Variants in WIZ observed in about 807,000 individuals in gnomAD.
WIZ encodes protein Wiz.
A neutral mutation model predicts 140.2 loss-of-function variants in WIZ; 25 were observed. The observed-to-expected ratio is 0.18, with a 90% CI of 0.13 to 0.25. The LOEUF (loss-of-function observed/expected upper bound fraction) is 0.25. WIZ is among the 10% of genes least tolerant of loss of function. WIZ has a pLI of 1.00. For synonymous variants in WIZ, 1,125 were observed against 1,154.3 expected, an observed-to-expected ratio of 0.97 and a Z score of 0.51; for missense variants, 2,231 against 2,632.6, an observed-to-expected ratio of 0.85 and a Z score of 3.34.
intron 10 of WIZ, 63 bp from the exon 11 acceptor site, chr19:15,425,095 C>T: frequency 1.3e-6 from 2 of 1,505,280 alleles, no homozygotes; most frequent in Non-Finnish European, 1.8e-6. Context: ...CCCAGATGGC[C>T]CTGCCCAGGC....
In WIZ at chr19:15,436,846, T is replaced by A; in HGVS notation, c.2700A>T (p.Pro900=). 1 of 1,609,704 alleles carries A rather than the reference T, an allele frequency of 6.2e-7. No homozygotes were observed. Among genetic ancestry groups the A allele is most frequent in the East Asian group, 2.2e-5 (1 of 44,640 alleles). The change falls in exon 5 of 13, where the codon CCA becomes CCT. Residue 900 remains proline, a synonymous_variant. Transcript: ENST00000673675. ...RPRLPLTVPF[P]PTWAEDPGPA... ...GCCCAGGGTCCTCAGCCCAGGTGGG[T>A]GGAAAGGGCACCGTGAGAGGTAAGC...
In WIZ at chr19:15,439,509, A is replaced by G; in HGVS notation, c.1485T>C (p.Asp495=). 1 of 1,534,406 alleles carries G rather than the reference A, an allele frequency of 6.5e-7. No homozygotes were observed. Among genetic ancestry groups the G allele is most frequent in the Non-Finnish European group, 8.7e-7 (1 of 1,145,942 alleles). The change falls in exon 4 of 13, where the codon GAT becomes GAC. Residue 495 remains aspartate, a synonymous_variant. Transcript: ENST00000673675. The surrounding 1 kb of genome is among the most constrained non-coding windows in gnomAD (Gnocchi z 7.0). ...LVHAHPHWEE[D]GEAYEEDPAS... ...CAGGGTCTTCCTCATAAGCCTCGCC[A>G]TCCTCCTCCCAGTGGGGATGGGCAT...
intron 6 of WIZ, among the ~76,000 whole-genome samples, chr19:15,430,328 G>T (rs887815126): frequency 6.6e-6 from 1 of 152,206 alleles, no homozygotes; most frequent in Non-Finnish European, 1.5e-5. Flanking sequence ...CACACAGCAG[G>T]AGATAGAGCC....
chr19:15,429,390 C>T (rs753839586), intron 7 of WIZ, among the ~76,000 whole-genome samples, 196 bp downstream of exon 7: 4 of 152,170 alleles, frequency 2.6e-5, no homozygotes, highest in Non-Finnish European at 4.4e-5. Flanking sequence ...GTGGGAGGCA[C>T]GATCCACATC....
Position 15,421,186 on chromosome 19 carries a change from C to T in WIZ, c.*1890G>A, listed in dbSNP as rs1968355476. The T allele has an allele frequency of 6.6e-6, 1 of 152,272 alleles. No homozygotes were observed. The highest frequency in any genetic ancestry group is 6.5e-5 in the Admixed American group (1 of 15,290). The allele number at this position is 152,272 out of a possible 1,614,324, so 9.4% of individuals were successfully genotyped here. On this transcript the variant is annotated 3_prime_UTR_variant, in exon 13 of 13. Coordinates refer to ENST00000673675, the MANE Select transcript of WIZ (RefSeq NM_001371589.1). ...AGAGGAAGAAACACCTTTGAGTCAG[C>T]TCACAAGATGCTCTCCCTGCTTCCT...
In WIZ at chr19:15,425,692, C is replaced by T. The variant is rs200142430; in HGVS notation, c.4443G>A (p.Ser1481=). The T allele has an allele frequency of 4.6e-5, 74 of 1,612,968 alleles. No individual in the cohort carries two copies. In the African/African-American group the frequency reaches 6.7e-4, roughly 15 times the overall value. The change falls in exon 10 of 13, where the codon TCG becomes TCA. Residue 1481 remains serine, a synonymous_variant. Coordinates refer to ENST00000673675, the MANE Select transcript of WIZ (RefSeq NM_001371589.1). ...GEFFENRKGL[S]SHARSHLRQM... ...GCCGCAGGTGTGAGCGCGCGTGACT[C>T]GACAGGCCCTTGCGGTTCTCGAAGA...
chr19:15,420,760 G>C lies in WIZ; in HGVS notation c.*2316C>G, dbSNP rs1276800801. On this transcript the variant is annotated 3_prime_UTR_variant, in exon 13 of 13. Coordinates refer to ENST00000673675, the MANE Select transcript of WIZ (RefSeq NM_001371589.1). ...ATTGGTGGGGAGGAACTTGCCATAT[G>C]ACTTTATAAGCTCTTGTATCATTTG... 2 of 152,220 alleles carry C rather than the reference G, an allele frequency of 1.3e-5. No homozygotes were observed. Among genetic ancestry groups the C allele is most frequent in the African/African-American group, 2.4e-5 (1 of 41,448 alleles). 9.4% of individuals were successfully genotyped at this position (152,220 alleles called of 1,614,324 possible).
chr19:15,440,779 G>T lies in WIZ; in HGVS notation c.279-64C>A. ...CTGCAGTTTTCCTTCCTAGGGTGGTGATGGGGGTCCTCCCAGGCCGTTTGA... is the reference window on the plus strand; with the variant it reads ...CTGCAGTTTTCCTTCCTAGGGTGGTTATGGGGGTCCTCCCAGGCCGTTTGA... On this transcript the variant is annotated intron_variant, in intron 3 of 12. Transcript: ENST00000673675. This position sits in a 1 kb window ranked among gnomAD's most constrained non-coding sequence, Gnocchi z 6.2. 7.1e-7 allele frequency: 1 copy of T among 1,418,312 alleles called. No individual in the cohort carries two copies. Among genetic ancestry groups the T allele is most frequent in the Non-Finnish European group, 9.2e-7 (1 of 1,083,420 alleles). The allele number at this position is 1,418,312 out of a possible 1,614,324, so 87.9% of individuals were successfully genotyped here. A position where few individuals can be genotyped will look rare whatever the true frequency, so the allele number is the denominator to read the frequency against.
At chr19:15,432,472 G>C in intron 5 of WIZ, 1 of 982,202 alleles carries the variant, frequency 1.0e-6, no homozygotes, top group Non-Finnish European at 1.2e-6. Flanking sequence ...CCCCGGCTCC[G>C]GCTCGGCCTT....
In WIZ at chr19:15,436,958, G is replaced by T. The variant is rs575637246; in HGVS notation, c.2588C>A (p.Ala863Asp). Residue 863 changes from alanine (A) to aspartate (D), a missense_variant, in exon 5 of 13, where the codon GCC becomes GAC. Physicochemically the swap from Ala to Asp is moderately radical, Grantham distance 126. Around this residue, in one of 15 missense-constraint regions of WIZ, gnomAD observed 137 missense variants for 135.8 expected, o/e 1.01. Transcript: ENST00000673675. ...GGGGGGCTGCTCAGCAGCAGAGGTG[G>T]CCAGCAGCTCCTGCAGGATGTTGAT... ...SPINILQELL[A>D]TSAAEQPPSP... 1.3e-5 allele frequency: 21 copies of T among 1,613,732 alleles called. No individual in the cohort carries two copies. Among genetic ancestry groups the T allele is most frequent in the Non-Finnish European group, 1.8e-5 (21 of 1,179,798 alleles).
Position 15,428,245 on chromosome 19 carries a change from G to C in WIZ, c.3679C>G (p.Pro1227Ala). The C allele has an allele frequency of 6.5e-7, 1 of 1,530,830 alleles. No individual in the cohort carries two copies. Among genetic ancestry groups the C allele is most frequent in the Non-Finnish European group, 8.7e-7 (1 of 1,145,040 alleles). 94.8% of individuals were successfully genotyped at this position (1,530,830 alleles called of 1,614,324 possible). Residue 1227 changes from proline to alanine, a missense_variant, in exon 8 of 13, where the codon CCC (proline) becomes GCC (alanine). This residue lies in a region of WIZ where 141 missense variants were observed against 161.2 expected (regional missense o/e 0.87). Transcript: ENST00000673675. The surrounding 1 kb of genome is among the most constrained non-coding windows in gnomAD (Gnocchi z 6.4). Reference sequence around the variant, plus strand: ...TTGGCCTTCTTGGCCGGCGGTGGGGGGGGAAGCAAGGAGAGGGCCGCGGAG... The same window carrying C: ...TTGGCCTTCTTGGCCGGCGGTGGGGCGGGAAGCAAGGAGAGGGCCGCGGAG... ...PTSAALSLLP[P>A]PPPAKKAKLK... is the part of the protein sequence containing the mutation.
chr19:15,424,347 A>C lies in WIZ; in HGVS notation c.5346T>G (p.Asp1782Glu), dbSNP rs1408963143. 4.4e-6 allele frequency: 7 copies of C among 1,602,864 alleles called. No individual in the cohort carries two copies. The Admixed American group carries it at 1.2e-4, about 28-fold the overall frequency. The change falls in exon 12 of 13, where the codon GAT becomes GAG. Residue 1782 changes from aspartate (D) to glutamate (E), a missense_variant. Physicochemically the swap from Asp to Glu is conservative, Grantham distance 45. Transcript: ENST00000673675. The surrounding 1 kb of genome is among the most constrained non-coding windows in gnomAD (Gnocchi z 9.7). Reference protein sequence around the residue: ...KFERRQARPPDASAARGGEDT... With the variant: ...KFERRQARPPEASAARGGEDT... ...CCTCGCCTCCCCGGGCTGCGGAGGC[A>C]TCTGGAGGGCGGGCTTGTCGGCGTT...
At position 15,427,373 on chromosome 19, in the gene WIZ, G is replaced by C; in HGVS notation, c.3975C>G (p.Ile1325Met). 1 of 1,613,596 alleles carries C rather than the reference G, an allele frequency of 6.2e-7. No homozygotes were observed. Among genetic ancestry groups the C allele is most frequent in the Non-Finnish European group, 8.5e-7 (1 of 1,179,998 alleles). The change falls in exon 9 of 13, where the codon ATC becomes ATG. Residue 1325 changes from isoleucine to methionine, a missense_variant. Physicochemically the swap from Ile to Met is conservative, Grantham distance 10. Around this residue, in one of 15 missense-constraint regions of WIZ, gnomAD observed 393 missense variants for 451.7 expected, o/e 0.87. Transcript: ENST00000673675. This position sits in a 1 kb window ranked among gnomAD's most constrained non-coding sequence, Gnocchi z 6.4. ...GCCGAGACTGGGTCCGTCTCTTCAG[G>C]ATCTCCCGCAGCGTGTCGATGGGCG... ...NGSPIDTLRE[I>M]LKRRTQSRPG...
chr19:15,436,353 C>T (rs1000941593), intron 5 of WIZ: 1 of 156,158 alleles, frequency 6.4e-6, no homozygotes, highest in Non-Finnish European at 1.4e-5. Context: ...GCCCAGCTGC[C>T]TGGGTTTTAA....
At position 15,436,831 on chromosome 19, in the gene WIZ, C is replaced by T. The variant is rs762712317; in HGVS notation, c.2715G>A (p.Glu905=). ...LTVPFPPTWA[E]DPGPAYGDGL... The stretch of plus-strand genomic sequence containing the variant: ...CATCTCCATAGGCTGGCCCAGGGTC[C>T]TCAGCCCAGGTGGGTGGAAAGGGCA... The change falls in exon 5 of 13, where the codon GAG becomes GAA. Residue 905 remains glutamate (E), a synonymous_variant. Transcript: ENST00000673675. The T allele has an allele frequency of 6.2e-7, 1 of 1,604,846 alleles. No homozygotes were observed. Among genetic ancestry groups the T allele is most frequent in the East Asian group, 2.2e-5 (1 of 44,508 alleles).
In WIZ at chr19:15,440,505, C is replaced by T; in HGVS notation, c.489G>A (p.Arg163=). 6.5e-7 allele frequency: 1 copy of T among 1,536,098 alleles called. No homozygotes were observed. The highest frequency in any genetic ancestry group is 8.7e-7 in the Non-Finnish European group (1 of 1,146,890). The change falls in exon 4 of 13, where the codon AGG becomes AGA. Residue 163 remains arginine, a synonymous_variant. Transcript: ENST00000673675. The surrounding 1 kb of genome is among the most constrained non-coding windows in gnomAD (Gnocchi z 6.2). ...KPHAELEGSR[R]FLHHRGEPRL... is the part of the protein sequence containing the mutation. ...TTGGTTCCCCCCGGTGGTGTAAGAA[C>T]CTTCTAGAGCCCTCTAGCTCAGCGT...
chr19:15,420,038 G>A lies in WIZ; in HGVS notation c.*3038C>T, dbSNP rs1968312513. The A allele has an allele frequency of 6.6e-6, 1 of 152,114 alleles. No individual in the cohort carries two copies. The highest frequency in any genetic ancestry group is 2.1e-4 in the South Asian group (1 of 4,832). The allele number at this position is 152,114 out of a possible 1,614,324, so 9.4% of individuals were successfully genotyped here. On this transcript the variant is annotated 3_prime_UTR_variant, in exon 13 of 13. Transcript: ENST00000673675. ...TTTTTGATATTGTTGATTTCTTTAG[G>A]TGTAATAGTGGCATTTACAACGTTG...
chr19:15,429,973 C>T lies in WIZ; in HGVS notation c.3028G>A (p.Gly1010Ser). 6.5e-7 allele frequency: 1 copy of T among 1,535,994 alleles called. No individual in the cohort carries two copies. The change falls in exon 7 of 13, where the codon GGC becomes AGC. Residue 1010 changes from glycine (G) to serine (S), a missense_variant. Transcript: ENST00000673675. ...QLGVAESESS[G>S]APIDLLYELV... ...TCGTAGAGGAGGTCGATGGGTGCGCCGCTGCTTTCCGACTCTGCCACTCCC... is the reference window on the plus strand; with the variant it reads ...TCGTAGAGGAGGTCGATGGGTGCGCTGCTGCTTTCCGACTCTGCCACTCCC...
chr19:15,424,440 A>G lies in WIZ; in HGVS notation c.5315-62T>C. The G allele has an allele frequency of 6.4e-7, 1 of 1,568,492 alleles. No homozygotes were observed. The highest frequency in any genetic ancestry group is 2.3e-5 in the East Asian group (1 of 43,602). ...GGTGGATGCTGCAGAGACTTGGAAT[A>G]CACAAGAGCTGAGGACTGATGCTAC... On this transcript the variant is annotated intron_variant, in intron 11 of 12. Transcript: ENST00000673675. The surrounding 1 kb of genome is among the most constrained non-coding windows in gnomAD (Gnocchi z 9.7).
Sources: allele counts gnomAD v4.1 joint callset (sites outside exome capture counted in the v4.1 genomes callset), GRCh38; gene constraint gnomAD v4.1.1; regional missense constraint gnomAD v4.1.1; non-coding constraint Gnocchi (gnomAD v3.1); transcripts MANE v1.5; gene names NCBI Gene and HGNC (gene_info 2026-07-23, HGNC 2026-07-21).